CDH18: variants seen among roughly 807,000 people sequenced by gnomAD.
CDH18 encodes cadherin-18.
A neutral mutation model predicts 67.9 loss-of-function variants in CDH18; 31 were observed. The observed-to-expected ratio is 0.46, with a 90% CI of 0.34 to 0.62. The LOEUF is 0.62. CDH18 is among the 20% of genes least tolerant of loss of function. The probability of loss-of-function intolerance (pLI) is 0.01; values close to 1 mark genes in which losing one functional copy is unlikely to be tolerated. For missense variants in CDH18, 890 were observed against 975.5 expected (o/e 0.91, Z 1.17); for synonymous variants, 362 against 347.2 (o/e 1.04, Z -0.48).
chr5:20,121,167 T>C (rs965660654), intron 2 of CDH18, among the ~76,000 whole-genome samples: 11 of 152,170 alleles, frequency 7.2e-5, no homozygotes, highest in Admixed American at 5.9e-4. Flanking sequence ...AGAAGCATCA[T>C]GTATTTGCTG....
chr5:19,697,164 G>A (rs1762639307), intron 5 of CDH18, among the ~76,000 whole-genome samples: 1 of 152,254 alleles, frequency 6.6e-6, no homozygotes, highest in East Asian at 1.9e-4. Flanking sequence ...TAGAGAAGTG[G>A]AAAATATCTT....
intron 4 of CDH18, among the ~76,000 whole-genome samples, chr5:19,734,661 C>T (rs1279360466): frequency 1.3e-5 from 2 of 152,158 alleles, no homozygotes; most frequent in Non-Finnish European, 2.9e-5. Flanking sequence ...ATAATGTTCT[C>T]CTTTAATGTT....
At chr5:19,581,347 A>G (rs1418824161) in intron 7 of CDH18, among the ~76,000 whole-genome samples, 3 of 151,954 alleles carry the variant, frequency 2.0e-5, no homozygotes, top group Non-Finnish European at 4.4e-5. Flanking sequence ...TCATATTACT[A>G]TAGTTAGTTA....
chr5:19,745,697 C>CAG (rs1392803017), intron 4 of CDH18, among the ~76,000 whole-genome samples: 2 of 152,140 alleles, frequency 1.3e-5, no homozygotes, highest in Admixed American at 1.3e-4. Context: ...TAGGCTCCTG[C>CAG]AGGCTGGTTC....
intron 1 of CDH18, among the ~76,000 whole-genome samples, chr5:20,404,389 T>C (rs985563321): frequency 6.6e-6 from 1 of 152,228 alleles, no homozygotes; most frequent in Non-Finnish European, 1.5e-5. Flanking sequence ...TCCTTTGGCA[T>C]GCCTTTTTCA....
intron 5 of CDH18, among the ~76,000 whole-genome samples, chr5:19,720,576 C>T (rs954403794): frequency 3.3e-5 from 5 of 151,878 alleles, no homozygotes; most frequent in African/African-American, 4.8e-5. Context: ...TTTTGGATTC[C>T]GCTGCTGTAG....
intron 1 of CDH18, among the ~76,000 whole-genome samples, chr5:20,286,900 T>C (rs1201775277): frequency 6.6e-6 from 1 of 151,798 alleles, no homozygotes; most frequent in Non-Finnish European, 1.5e-5. Context: ...TCACAAAATT[T>C]ATCACAAAGT....
At chr5:19,968,551 T>C (rs1408649625) in intron 2 of CDH18, among the ~76,000 whole-genome samples, 2 of 151,334 alleles carry the variant, frequency 1.3e-5, no homozygotes, top group Non-Finnish European at 2.9e-5. Flanking sequence ...TATCTACAAC[T>C]ATCAGATCTT....
chr5:19,924,805 T>C (rs373700179), intron 2 of CDH18, among the ~76,000 whole-genome samples: 23 of 152,104 alleles, frequency 1.5e-4, no homozygotes, highest in African/African-American at 5.6e-4. Context: ...CAAGGAGAAG[T>C]GTGGAGCCCA....
intron 1 of CDH18, among the ~76,000 whole-genome samples, chr5:20,472,674 G>T (rs910132384): frequency 1.4e-4 from 21 of 152,200 alleles, no homozygotes; most frequent in African/African-American, 5.1e-4. Context: ...AGAACTGAAA[G>T]ACGGGCAGTG....
intron 1 of CDH18, among the ~76,000 whole-genome samples, chr5:20,400,833 A>T (rs2150128974): frequency 6.6e-6 from 1 of 152,272 alleles, no homozygotes; most frequent in South Asian, 2.1e-4. Context: ...TAAACAAATA[A>T]ACCTAATAAA....
At chr5:20,078,171 T>C (rs557846251) in intron 2 of CDH18, among the ~76,000 whole-genome samples, 2 of 152,248 alleles carry the variant, frequency 1.3e-5, no homozygotes, top group South Asian at 4.1e-4. Context: ...GTGTAAGATG[T>C]TCACTTATGG....
At chr5:19,520,209 C>T (rs1467191269) in intron 10 of CDH18, among the ~76,000 whole-genome samples, 4 of 152,092 alleles carry the variant, frequency 2.6e-5, no homozygotes, top group Admixed American at 2.0e-4. Flanking sequence ...TACATATATA[C>T]TCTTCATGTT....
chr5:19,977,779 A>C (rs1798638504), intron 2 of CDH18, among the ~76,000 whole-genome samples: 1 of 152,178 alleles, frequency 6.6e-6, no homozygotes, highest in African/African-American at 2.4e-5. Context: ...AAGGCCATTC[A>C]AACTGGAAGG....
At chr5:19,505,117 A>G (rs1489421960) in intron 10 of CDH18, among the ~76,000 whole-genome samples, 1 of 151,962 alleles carries the variant, frequency 6.6e-6, no homozygotes, top group African/African-American at 2.4e-5. Context: ...ACATATGACA[A>G]TCGTGTTTTT....
intron 3 of CDH18, among the ~76,000 whole-genome samples, chr5:19,763,994 C>A (rs374075419): frequency 3.2e-3 from 210 of 65,294 alleles, no homozygotes; most frequent in African/African-American, 5.7e-3. Context: ...ACTAAAAATA[C>A]AAAAAAAAAA....
intron 1 of CDH18, among the ~76,000 whole-genome samples, chr5:20,333,932 T>C (rs1184139320): frequency 2.0e-5 from 3 of 152,084 alleles, no homozygotes; most frequent in Admixed American, 6.6e-5. Flanking sequence ...AACTATTTAA[T>C]TTATAAAATT....
At chr5:19,595,922 A>C (rs1359577085) in intron 6 of CDH18, among the ~76,000 whole-genome samples, 1 of 152,206 alleles carries the variant, frequency 6.6e-6, no homozygotes, top group Non-Finnish European at 1.5e-5. Flanking sequence ...TTAAACAAAC[A>C]ATCCCTTGAC....
intron 2 of CDH18, among the ~76,000 whole-genome samples, chr5:19,967,728 A>G (rs933116765): frequency 2.6e-5 from 4 of 152,248 alleles, no homozygotes; most frequent in Non-Finnish European, 5.9e-5. Context: ...ACCCACAGCC[A>G]ATATCATACT....
Sources: allele counts gnomAD v4.1 joint callset (sites outside exome capture counted in the v4.1 genomes callset), GRCh38; gene constraint gnomAD v4.1.1; transcripts MANE v1.5; gene names NCBI Gene and HGNC (gene_info 2026-07-23, HGNC 2026-07-21).